Variants in CNBP observed in about 807,000 individuals in gnomAD.
CNBP encodes the protein CCHC-type zinc finger nucleic acid binding protein.
A neutral mutation model predicts 21.2 loss-of-function variants in CNBP; 6 were observed. The ratio of observed to expected loss-of-function variants is 0.28; its 90% confidence interval spans 0.16 to 0.56. The LOEUF (loss-of-function observed/expected upper bound fraction) is 0.56, where lower values mean the gene tolerates loss of function less well. Among genes scored for constraint, CNBP ranks in the 20% least tolerant of loss-of-function variants. The pLI, the probability that CNBP is intolerant of heterozygous loss-of-function variation, is 0.93. For missense variants in CNBP, 112 were observed against 233.1 expected, an observed-to-expected ratio of 0.48 and a Z score of 3.38; for synonymous variants, 61 against 74.9, an observed-to-expected ratio of 0.81 and a Z score of 0.96.
At chr3:129,183,117 ATTTT>A (rs1202283786) in intron 1 of CNBP, among the ~76,000 whole-genome samples, 1 of 151,952 alleles carries the variant, frequency 6.6e-6, no homozygotes, top group Admixed American at 6.6e-5. Flanking sequence ...TGCCCGGCTA[ATTTT>A]TTATTTTTAG....
intron 1 of CNBP, among the ~76,000 whole-genome samples, chr3:129,174,464 G>A (rs545299634): frequency 3.3e-5 from 5 of 150,370 alleles, no homozygotes; most frequent in South Asian, 2.1e-4. Flanking sequence ...TTGGGAGTTC[G>A]AGACCAGCCT....
At position 129,171,512 on chromosome 3, in the gene CNBP, G is replaced by A. The variant is rs769536667; in HGVS notation, c.151C>T (p.Pro51Ser). Reference protein sequence around the residue: ...RGFQFVSSSLPDICYRCGESG... With the variant: ...RGFQFVSSSLSDICYRCGESG... The stretch of plus-strand genomic sequence containing the variant: ...TCACCACAGCGATAACAAATGTCTG[G>A]AAGAGACGAGGAAACAAACTGGAAA... Residue 51 changes from proline (P) to serine (S), a missense_variant, in exon 3 of 5, where the codon CCA becomes TCA. Transcript: ENST00000422453. The A allele has an allele frequency of 1.9e-6, 3 of 1,614,078 alleles. No individual in the cohort carries two copies. The highest frequency in any genetic ancestry group is 2.5e-6 in the Non-Finnish European group (3 of 1,179,928).
intron 1 of CNBP, among the ~76,000 whole-genome samples, chr3:129,180,298 A>T (rs575549173): frequency 1.3e-5 from 2 of 152,360 alleles, no homozygotes; most frequent in South Asian, 4.1e-4. Context: ...ATCTACAGTC[A>T]TAATAATTTT....
At chr3:129,182,054 A>T (rs895259197) in intron 1 of CNBP, among the ~76,000 whole-genome samples, 4 of 152,128 alleles carry the variant, frequency 2.6e-5, no homozygotes, top group African/African-American at 7.2e-5. Flanking sequence ...GAAGCCCAGG[A>T]GATAAGTACT....
intron 1 of CNBP, among the ~76,000 whole-genome samples, chr3:129,174,908 A>G (rs1937796543): frequency 6.6e-6 from 1 of 152,122 alleles, no homozygotes; most frequent in Admixed American, 6.5e-5. Context: ...TAGAAAATAC[A>G]AAACAAGGAT....
chr3:129,182,535 T>C (rs956874158), intron 1 of CNBP, among the ~76,000 whole-genome samples: 22 of 152,230 alleles, frequency 1.4e-4, no homozygotes, highest in African/African-American at 5.1e-4. Flanking sequence ...TGGACCATTA[T>C]GCCATTCTAA....
intron 2 of CNBP, 31 bp from the exon 3 acceptor site, chr3:129,171,569 AG>A: frequency 1.2e-6 from 2 of 1,613,940 alleles, no homozygotes; most frequent in Non-Finnish European, 1.7e-6. Context: ...GAATTCGGCT[AG>A]TCAGACCAGT....
At chr3:129,172,122 G>A (rs1467307634) in intron 1 of CNBP, among the ~76,000 whole-genome samples, 1 of 152,130 alleles carries the variant, frequency 6.6e-6, no homozygotes, top group African/African-American at 2.4e-5. Context: ...AGTGAGCTGA[G>A]ATGGTGCCAC....
intron 1 of CNBP, among the ~76,000 whole-genome samples, chr3:129,179,596 G>A (rs1311798586): frequency 5.9e-5 from 9 of 151,964 alleles, no homozygotes; most frequent in Non-Finnish European, 2.9e-5. Context: ...ACTGGCCAGG[G>A]GCAGTGGCTC....
intron 1 of CNBP, among the ~76,000 whole-genome samples, chr3:129,182,939 GTTGT>G (rs146475772): frequency 0.98 from 147,032 of 150,690 alleles, 71,806 homozygotes; most frequent in Non-Finnish European, 1. Flanking sequence ...ACCCTTTGTT[GTTGT>G]TTGTTTGTTT....
Position 129,174,362 on chromosome 3 carries a change from A to AC in CNBP, c.-14-2592_-14-2591insG, listed in dbSNP as rs1305597033. On this transcript the variant is annotated intron_variant, in intron 1 of 4. Transcript: ENST00000422453. ...AAGAGTCAGAATTAAAAAAAAAAAA[A>AC]AAAAAAAAAAAACGAATGGCGGGCA... Among the ~76,000 whole-genome samples the AC allele has an allele frequency of 5.4e-5, 8 of 148,220 alleles. No homozygotes were observed. The East Asian group carries it at 5.8e-4, about 11-fold the overall frequency.
chr3:129,178,737 G>A (rs1313139809), intron 1 of CNBP, among the ~76,000 whole-genome samples: 2 of 151,314 alleles, frequency 1.3e-5, no homozygotes, highest in African/African-American at 2.4e-5. Flanking sequence ...ACATGGTACT[G>A]AAACACTTCA....
At chr3:129,180,443 G>A (rs1035090902) in intron 1 of CNBP, among the ~76,000 whole-genome samples, 1 of 152,228 alleles carries the variant, frequency 6.6e-6, no homozygotes, top group Non-Finnish European at 1.5e-5. Context: ...TATTTATGGA[G>A]CCATTCCAGG....
rs1473169274 is a variant in CNBP at position 129,169,000 on chromosome 3, G to A, written c.*1453C>T. Among the ~76,000 whole-genome samples the A allele has an allele frequency of 3.9e-5, 6 of 151,996 alleles. No homozygotes were observed. Among genetic ancestry groups the A allele is most frequent in the African/African-American group, 1.2e-4 (5 of 41,460 alleles). On this transcript the variant is annotated 3_prime_UTR_variant, in exon 5 of 5. Coordinates refer to ENST00000422453, the MANE Select transcript of CNBP (RefSeq NM_003418.5). ...ACCTGTAGCCCCAGCTACTCAGGAGGCTGAGGCAGGAGAATGGCACGAACC... is the reference window on the plus strand; with the variant it reads ...ACCTGTAGCCCCAGCTACTCAGGAGACTGAGGCAGGAGAATGGCACGAACC...
chr3:129,178,030 A>T (rs1435594719), intron 1 of CNBP, among the ~76,000 whole-genome samples: 1 of 151,984 alleles, frequency 6.6e-6, no homozygotes, highest in Non-Finnish European at 1.5e-5. Flanking sequence ...ATGGTGGTGC[A>T]TGCCTGTAAT....
intron 1 of CNBP, among the ~76,000 whole-genome samples, chr3:129,178,430 A>G (rs181487610): frequency 1.3e-5 from 2 of 152,212 alleles, no homozygotes; most frequent in Non-Finnish European, 2.9e-5. Flanking sequence ...TAGAATGTTC[A>G]TAACTCTGTC....
At chr3:129,176,808 TC>T in intron 1 of CNBP, among the ~76,000 whole-genome samples, 1 of 152,186 alleles carries the variant, frequency 6.6e-6, no homozygotes, top group South Asian at 2.1e-4. Context: ...CAAAGGACAT[TC>T]CCAATGTAAT....
At chr3:129,179,505 A>G (rs755633227) in intron 1 of CNBP, among the ~76,000 whole-genome samples, 29 of 152,190 alleles carry the variant, frequency 1.9e-4, no homozygotes, top group Admixed American at 2.6e-4. Context: ...TGAGTCAGTC[A>G]TTAGTAAACA....
In CNBP at chr3:129,171,788, G is replaced by T; in HGVS notation, c.-14-17C>A. 1 of 1,605,378 alleles carries T rather than the reference G, an allele frequency of 6.2e-7. No homozygotes were observed. Among genetic ancestry groups the T allele is most frequent in the South Asian group, 1.1e-5 (1 of 90,368 alleles). ...CAGTCAGATCTTTGAAATATTAAAA[G>T]TAACAGCATTAAACCACTGAAAGTT... On this transcript the variant is annotated splice_polypyrimidine_tract_variant and intron_variant, in intron 1 of 4. Transcript: ENST00000422453.
Sources: allele counts gnomAD v4.1 joint callset (sites outside exome capture counted in the v4.1 genomes callset), GRCh38; gene constraint gnomAD v4.1.1; transcripts MANE v1.5; gene names NCBI Gene and HGNC (gene_info 2026-07-23, HGNC 2026-07-21).